Variants in OTUD5 observed in about 807,000 individuals in gnomAD.
OTUD5 encodes OTU domain-containing protein 5.
Under a neutral mutation model 36.3 loss-of-function variants are expected in OTUD5, and 2 were observed. The ratio of observed to expected loss-of-function variants is 0.06; its 90% CI spans 0.02 to 0.17. OTUD5 has a LOEUF of 0.17. OTUD5 is among the 10% of genes least tolerant of loss of function. The pLI is 1.00. For synonymous variants in OTUD5, 234 were observed against 214.9 expected, an observed-to-expected ratio of 1.09 and a Z score of -0.78; for missense variants, 233 against 512.3, an observed-to-expected ratio of 0.45 and a Z score of 5.26.
intron 1 of OTUD5, among the ~76,000 whole-genome samples, chrX:48,945,908 C>A (rs1486646646): frequency 9.0e-6 from 1 of 110,938 alleles, no homozygotes; most frequent in Non-Finnish European, 1.9e-5. Context: ...ACAAAACCAA[C>A]CAGAAGCAGC....
At chrX:48,940,864 G>C (rs1487975137) in intron 2 of OTUD5, 3 of 112,165 alleles carry the variant, frequency 2.7e-5, no homozygotes, top group Non-Finnish European at 5.6e-5. Context: ...GCAAGCAATG[G>C]ATATTGCTTA....
intron 1 of OTUD5, among the ~76,000 whole-genome samples, chrX:48,946,428 T>A: frequency 9.0e-6 from 1 of 110,792 alleles, no homozygotes; most frequent in East Asian, 2.8e-4. Context: ...CCTCAGAAAG[T>A]CCCAGGTGAG....
At chrX:48,926,672 A>C (rs782021267) in intron 5 of OTUD5, among the ~76,000 whole-genome samples, 1 of 111,836 alleles carries the variant, frequency 8.9e-6, no homozygotes, top group Admixed American at 9.5e-5. Flanking sequence ...AATTTAAAGA[A>C]GCCCCATCCA....
At position 48,925,872 on chromosome X, in the gene OTUD5, G is replaced by C; in HGVS notation, c.1238C>G (p.Ala413Gly). Residue 413 changes from alanine to glycine, a missense_variant, in exon 6 of 9, where the codon GCT becomes GGT. Ala to Gly is a moderately conservative substitution (Grantham distance 60, BLOSUM62 0). Transcript: ENST00000376488. ...CTGGCTGGGGCCTCGGACCTGGCGA[G>C]CCTGTTTCTCCTGATCCCGCAACCA... Reference protein sequence around the residue: ...LQWLRDQEKQARQVRGPSQPR... With the variant: ...LQWLRDQEKQGRQVRGPSQPR... 1 of 1,210,592 alleles carries C rather than the reference G, an allele frequency of 8.3e-7. No homozygotes were observed.
At chrX:48,950,216 G>A (rs1390041916) in intron 1 of OTUD5, among the ~76,000 whole-genome samples, 2 of 111,259 alleles carry the variant, frequency 1.8e-5, no homozygotes, top group East Asian at 2.8e-4. Flanking sequence ...TCTGGAGATG[G>A]GGGGTTATCT....
intron 5 of OTUD5, among the ~76,000 whole-genome samples, chrX:48,927,925 C>T (rs1355456120): frequency 8.9e-6 from 1 of 112,297 alleles, no homozygotes; most frequent in Non-Finnish European, 1.9e-5. Context: ...AAAGGCAACA[C>T]TTTGCAGATT....
At chrX:48,950,505 C>T (rs2147665698) in intron 1 of OTUD5, among the ~76,000 whole-genome samples, 1 of 107,934 alleles carries the variant, frequency 9.3e-6, no homozygotes, top group East Asian at 2.9e-4. Context: ...CTTCTGGCCT[C>T]CAGAATTGTG....
Position 48,957,194 on chromosome X carries a change from G to A in OTUD5, c.377C>T (p.Ala126Val), listed in dbSNP as rs1557055707. The change falls in exon 1 of 9, where the codon GCC becomes GTC. Residue 126 changes from alanine (A) to valine (V), a missense_variant. By Grantham distance (64) the Ala-to-Val change is moderately conservative. Around this residue, in one of 3 missense-constraint regions of OTUD5, gnomAD observed 155 missense variants for 217.2 expected, o/e 0.71. Coordinates refer to ENST00000376488, the MANE Select transcript of OTUD5 (RefSeq NM_001136157.2). ...ALGAAAAGVG[A>V]AGVVVGVGGA... ...ACCCACACCCACCACCACGCCCGCG[G>A]CACCCACACCCGCCGCCGCTGCGCC... 1 of 1,117,458 alleles carries A rather than the reference G, an allele frequency of 8.9e-7. No individual in the cohort carries two copies. Among genetic ancestry groups the A allele is most frequent in the Non-Finnish European group, 1.2e-6 (1 of 857,801 alleles). 92.1% of individuals were successfully genotyped at this position (1,117,458 alleles called of 1,213,427 possible). A position where few individuals can be genotyped will look rare whatever the true frequency, so the allele number is the denominator to read the frequency against.
intron 5 of OTUD5, among the ~76,000 whole-genome samples, chrX:48,933,583 A>G (rs1557049299): frequency 9.1e-6 from 1 of 110,069 alleles, no homozygotes; most frequent in Non-Finnish European, 1.9e-5. Flanking sequence ...ACACCCAGCT[A>G]ATTTTTGTAT....
Position 48,929,519 on chromosome X carries a change from G to A in OTUD5, c.1060-3469C>T, listed in dbSNP as rs1328681436. The stretch of plus-strand genomic sequence containing the variant: ...GCAGATCACCTGAAGTCAGGAGTTC[G>A]AGACCAGCCTGGGCAACATGATGAA... On this transcript the variant is annotated intron_variant, in intron 5 of 8. Transcript: ENST00000376488. Among the ~76,000 whole-genome samples, 26 of 109,187 alleles carry A rather than the reference G, an allele frequency of 2.4e-4. No individual in the cohort carries two copies. In the Admixed American group the frequency reaches 2.5e-3, roughly 10 times the overall value. The allele number at this position is 109,187 out of a possible 115,157, so 94.8% of individuals were successfully genotyped here.
chrX:48,948,076 G>A (rs916776820), intron 1 of OTUD5, among the ~76,000 whole-genome samples: 6 of 112,828 alleles, frequency 5.3e-5, no homozygotes, highest in African/African-American at 1.3e-4. Flanking sequence ...GGCCAGACAC[G>A]GTGGCTCACG....
intron 5 of OTUD5, among the ~76,000 whole-genome samples, chrX:48,933,744 A>C (rs1350823358): frequency 9.0e-6 from 1 of 111,710 alleles, no homozygotes; most frequent in Non-Finnish European, 1.9e-5. Context: ...GTAAATCTAA[A>C]CCTGCTCTAA....
intron 1 of OTUD5, among the ~76,000 whole-genome samples, chrX:48,956,183 A>G (rs1557055184): frequency 8.9e-6 from 1 of 111,976 alleles, no homozygotes; most frequent in Non-Finnish European, 1.9e-5. Context: ...CAGAAAGGAG[A>G]TAAGTAAAGC....
intron 2 of OTUD5, among the ~76,000 whole-genome samples, chrX:48,937,693 G>A (rs1490019335): frequency 1.8e-5 from 2 of 112,538 alleles, no homozygotes; most frequent in African/African-American, 6.5e-5. Flanking sequence ...TGCATAAGGT[G>A]GAGACAGTAA....
chrX:48,930,964 A>G (rs2063743784), intron 5 of OTUD5, among the ~76,000 whole-genome samples: 1 of 106,567 alleles, frequency 9.4e-6, no homozygotes, highest in Admixed American at 1.0e-4. Context: ...CTCCCTCTCA[A>G]AAAAAAAAAA....
chrX:48,943,593 A>G (rs1557051637), intron 2 of OTUD5, among the ~76,000 whole-genome samples: 1 of 111,233 alleles, frequency 9.0e-6, no homozygotes, highest in East Asian at 2.8e-4. Context: ...CTACTTTTAT[A>G]TAAGTTGAAA....
chrX:48,957,433 GC>G lies in OTUD5; in HGVS notation c.137del (p.Gly46AlafsTer92). The G allele has an allele frequency of 2.0e-6, 2 of 1,024,824 alleles. No individual in the cohort carries two copies. The highest frequency in any genetic ancestry group is 4.3e-5 in the Admixed American group (1 of 23,091). The allele number at this position is 1,024,824 out of a possible 1,213,427, so 84.5% of individuals were successfully genotyped here. On this transcript the variant is annotated frameshift_variant, in exon 1 of 9. Coordinates refer to ENST00000376488, the MANE Select transcript of OTUD5 (RefSeq NM_001136157.2). LOFTEE classifies it high-confidence loss of function. ...VGVGGGGTGV[G>X]GGDRDRDSGV... ...CGGAGTCACGGTCGCGATCGCCGCCGCCCACGCCCGTGCCGCCGCCGCCCAC... is the reference window on the plus strand; with the variant it reads ...CGGAGTCACGGTCGCGATCGCCGCCGCCACGCCCGTGCCGCCGCCGCCCAC...
Position 48,925,292 on chromosome X carries a change from A to C in OTUD5, c.1263+555T>G, listed in dbSNP as rs1368928900. Among the ~76,000 whole-genome samples the C allele has an allele frequency of 3.7e-5, 4 of 107,630 alleles. No individual in the cohort carries two copies. The South Asian group carries it at 1.2e-3, about 32-fold the overall frequency. 93.5% of individuals were successfully genotyped at this position (107,630 alleles called of 115,157 possible). A position where few individuals can be genotyped will look rare whatever the true frequency, so the allele number is the denominator to read the frequency against. ...GACTCTGTCTCCAAAAAAAAAAAAAAAAAAAAACTCAGCTCCTGCCAGCCA... is the reference window on the plus strand; with the variant it reads ...GACTCTGTCTCCAAAAAAAAAAAAACAAAAAAACTCAGCTCCTGCCAGCCA... On this transcript the variant is annotated intron_variant, in intron 6 of 8. Coordinates refer to ENST00000376488, the MANE Select transcript of OTUD5 (RefSeq NM_001136157.2).
intron 5 of OTUD5, 94 bp downstream of exon 5, chrX:48,934,370 A>T: frequency 1.5e-6 from 1 of 685,057 alleles, no homozygotes; most frequent in Non-Finnish European, 2.2e-6. Context: ...GAGAGGAGAC[A>T]GGATATTTTT....
Sources: allele counts gnomAD v4.1 joint callset (sites outside exome capture counted in the v4.1 genomes callset), GRCh38; gene constraint gnomAD v4.1.1; regional missense constraint gnomAD v4.1.1; transcripts MANE v1.5; gene names NCBI Gene and HGNC (gene_info 2026-07-23, HGNC 2026-07-21).